Variants in RGPD2 observed in about 807,000 individuals in gnomAD.
RGPD2 encodes RANBP2-like and GRIP domain-containing protein 2.
RGPD2 carries 2 observed loss-of-function variants against 36.0 expected under a neutral mutation model. The ratio of observed to expected loss-of-function variants is 0.06; its 90% CI spans 0.02 to 0.17. RGPD2 has a LOEUF of 0.17. RGPD2 is among the 10% of genes least tolerant of loss of function. RGPD2 has a pLI of 1.00. For synonymous variants in RGPD2, 19 were observed against 163.8 expected, an observed-to-expected ratio of 0.12 and a Z score of 6.75; for missense variants, 40 against 464.3, an observed-to-expected ratio of 0.09 and a Z score of 8.40.
the RGPD2 span, among the ~76,000 whole-genome samples, chr2:87,974,824 A>G: frequency 6.6e-6 from 1 of 152,074 alleles, no homozygotes; most frequent in African/African-American, 2.4e-5. Context: ...CAATCCAACC[A>G]TTTTCACCTA....
At chr2:87,891,969 C>CT in the RGPD2 span, among the ~76,000 whole-genome samples, 25 of 90,978 alleles carry the variant, frequency 2.7e-4, no homozygotes, top group East Asian at 6.6e-3. Flanking sequence ...TAACTGAGAT[C>CT]TTTTTTTATC....
the RGPD2 span, among the ~76,000 whole-genome samples, chr2:87,933,732 A>G: frequency 6.7e-5 from 10 of 149,642 alleles, no homozygotes; most frequent in East Asian, 2.0e-3. Context: ...TTGTGATTGC[A>G]TTATGAAATT....
chr2:87,932,264 C>A, the RGPD2 span, among the ~76,000 whole-genome samples: 16 of 94,372 alleles, frequency 1.7e-4, no homozygotes, highest in South Asian at 3.0e-4. Context: ...AGGCTAGCAA[C>A]TTCTGTTTTT....
At chr2:87,987,991 C>T in the RGPD2 span, among the ~76,000 whole-genome samples, 1 of 150,182 alleles carries the variant, frequency 6.7e-6, no homozygotes, top group African/African-American at 2.5e-5. Flanking sequence ...TACGAAATAC[C>T]TTTTAGAAGG....
At chr2:87,961,561 G>A in the RGPD2 span, among the ~76,000 whole-genome samples, 21 of 151,320 alleles carry the variant, frequency 1.4e-4, no homozygotes, top group Non-Finnish European at 2.9e-5. Context: ...AATTACCCGG[G>A]CGTGGAGGTG....
the RGPD2 span, among the ~76,000 whole-genome samples, chr2:87,928,866 T>C: frequency 6.6e-6 from 1 of 151,834 alleles, no homozygotes; most frequent in African/African-American, 2.4e-5. Flanking sequence ...GAAGTGTCTG[T>C]TCATGTCCAT....
the RGPD2 span, among the ~76,000 whole-genome samples, chr2:87,921,774 T>C: frequency 6.6e-6 from 1 of 152,116 alleles, no homozygotes; most frequent in African/African-American, 2.4e-5. Flanking sequence ...GCTGCCACAT[T>C]AAAATGGGAC....
chr2:87,846,367 G>A, the RGPD2 span, among the ~76,000 whole-genome samples: 1 of 151,950 alleles, frequency 6.6e-6, no homozygotes, highest in African/African-American at 2.4e-5. Flanking sequence ...GCACAGTGTG[G>A]TTACTAAAAT....
At chr2:87,825,364 C>G (rs1475491678) in intron 1 of RGPD2, among the ~76,000 whole-genome samples, 1 of 146,300 alleles carries the variant, frequency 6.8e-6, no homozygotes, top group East Asian at 2.0e-4. Context: ...TCTCGGGCTC[C>G]TACGCCGAGG....
the RGPD2 span, among the ~76,000 whole-genome samples, chr2:87,864,217 C>G: frequency 6.6e-6 from 1 of 152,230 alleles, no homozygotes; most frequent in African/African-American, 2.4e-5. Context: ...TGGGCATCAT[C>G]TAATCTGTTG....
the RGPD2 span, among the ~76,000 whole-genome samples, chr2:87,910,512 T>C: frequency 2.6e-5 from 4 of 152,396 alleles, no homozygotes; most frequent in African/African-American, 9.6e-5. Flanking sequence ...GTACAAAGAA[T>C]TATTTTTCTT....
chr2:87,807,307 GTAAC>G (rs1685988126), intron 6 of RGPD2, among the ~76,000 whole-genome samples: 1 of 132,988 alleles, frequency 7.5e-6, no homozygotes, highest in Non-Finnish European at 1.5e-5. Flanking sequence ...TTATAAGTAA[GTAAC>G]TGACAGGTAT....
chr2:87,966,614 A>G, the RGPD2 span, among the ~76,000 whole-genome samples: 8 of 152,402 alleles, frequency 5.2e-5, no homozygotes, highest in East Asian at 3.9e-4. Context: ...CGAGTCCCCA[A>G]ATGAACCAAT....
the RGPD2 span, among the ~76,000 whole-genome samples, chr2:87,881,337 G>T: frequency 1.3e-5 from 2 of 152,258 alleles, no homozygotes; most frequent in Non-Finnish European, 2.9e-5. Context: ...ACACTGTGTG[G>T]TGCCTTCAAC....
At chr2:87,966,679 G>A in the RGPD2 span, among the ~76,000 whole-genome samples, 252 of 152,158 alleles carry the variant, frequency 1.7e-3, no homozygotes, top group African/African-American at 5.6e-3. Flanking sequence ...TGTAATCGCA[G>A]CACTTCGGAG....
the RGPD2 span, among the ~76,000 whole-genome samples, chr2:87,944,865 A>G: frequency 1.4e-5 from 2 of 139,922 alleles, no homozygotes; most frequent in South Asian, 4.5e-4. Context: ...TATAACCCAC[A>G]TAAACAAAAG....
the RGPD2 span, among the ~76,000 whole-genome samples, chr2:87,928,813 C>G: frequency 6.6e-6 from 1 of 150,482 alleles, no homozygotes; most frequent in Non-Finnish European, 1.5e-5. Flanking sequence ...TGTTGAACTT[C>G]TTTTCATAGG....
the RGPD2 span, among the ~76,000 whole-genome samples, chr2:87,956,867 C>T: frequency 2.4e-4 from 35 of 147,330 alleles, no homozygotes; most frequent in African/African-American, 8.3e-4. Flanking sequence ...CTTTTCCTCT[C>T]TTGCAGGATG....
the RGPD2 span, among the ~76,000 whole-genome samples, chr2:87,915,283 T>TATATGTATATTATATATATTGTATAC: frequency 4.3e-5 from 6 of 138,724 alleles, no homozygotes; most frequent in African/African-American, 1.8e-4. Context: ...TGTATATATA[T>TATATGTATATTATATATATTGTATAC]ATATATGTAT....
Sources: gnomAD v4.1 joint callset for allele counts (sites outside exome capture counted in the v4.1 genomes callset) on GRCh38, gnomAD v4.1.1 for gene constraint, MANE v1.5 for transcripts, NCBI Gene and HGNC (gene_info 2026-07-23, HGNC 2026-07-21) for gene names.